OTUD7A: variants seen among roughly 807,000 people sequenced by gnomAD.
OTUD7A encodes OTU domain-containing protein 7A.
Under a neutral mutation model 65.7 loss-of-function variants are expected in OTUD7A, and 12 were observed. That is an observed-to-expected ratio of 0.18 (90% confidence interval 0.12 to 0.30). The LOEUF (loss-of-function observed/expected upper bound fraction) is 0.30. Among genes scored for constraint, OTUD7A ranks in the 10% least tolerant of loss-of-function variants. The probability of loss-of-function intolerance (pLI) is 1.00; values close to 1 mark genes in which losing one functional copy is unlikely to be tolerated. For missense variants in OTUD7A, 1,148 were observed against 1,304.8 expected, an observed-to-expected ratio of 0.88 and a Z score of 1.85; for synonymous variants, 641 against 586.3, an observed-to-expected ratio of 1.09 and a Z score of -1.35.
intron 1 of OTUD7A, among the ~76,000 whole-genome samples, chr15:31,691,096 T>C (rs898598679): frequency 7.2e-5 from 11 of 152,110 alleles, no homozygotes; most frequent in Non-Finnish European, 7.4e-5. Context: ...AGGAAGAACC[T>C]GAAAAAATGG....
rs534923258 is a variant in OTUD7A at position 31,817,279 on chromosome 15, C to CT, written c.-100+53227_-100+53228insA. On this transcript the variant is annotated intron_variant, in intron 1 of 12. Coordinates refer to ENST00000307050, the MANE Select transcript of OTUD7A (RefSeq NM_001382637.1). Reference sequence around the variant, plus strand: ...TTACACCACCCTAGATCATTTGCCCCCCCCCATCACTCATGGCTTATCAGT... The same window carrying CT: ...TTACACCACCCTAGATCATTTGCCCCTCCCCCATCACTCATGGCTTATCAGT... Among the ~76,000 whole-genome samples the CT allele has an allele frequency of 1.8e-4, 26 of 148,308 alleles. No individual in the cohort carries two copies. The East Asian group carries it at 5.2e-3, about 30-fold the overall frequency.
intron 1 of OTUD7A, among the ~76,000 whole-genome samples, chr15:31,733,920 A>G (rs1300162641): frequency 1.3e-5 from 2 of 152,222 alleles, no homozygotes; most frequent in Non-Finnish European, 2.9e-5. Context: ...GACAAGCTAG[A>G]GAAGCTGATC....
intron 5 of OTUD7A, among the ~76,000 whole-genome samples, 172 bp from the exon 6 acceptor site, chr15:31,530,980 G>C (rs976727372): frequency 1.3e-5 from 2 of 152,182 alleles, no homozygotes; most frequent in African/African-American, 4.8e-5. Context: ...TTTTCCCTTT[G>C]AGGACAAGAA....
At chr15:31,744,825 C>T (rs952027330) in intron 1 of OTUD7A, among the ~76,000 whole-genome samples, 1 of 151,952 alleles carries the variant, frequency 6.6e-6, no homozygotes, top group African/African-American at 2.4e-5. Context: ...AGTAAGGCTG[C>T]AAGTTACAAG....
chr15:31,843,331 CAAAAAAAA>C lies in OTUD7A; in HGVS notation c.-100+27168_-100+27175del, dbSNP rs80294740. On this transcript the variant is annotated intron_variant, in intron 1 of 12. Coordinates refer to ENST00000307050, the MANE Select transcript of OTUD7A (RefSeq NM_001382637.1). ...GACAATTTTTAAAATATTTTTTCTC[CAAAAAAAA>C]AAAAAAAAAACCCCAACCATTAAGC... Among the ~76,000 whole-genome samples the C allele has an allele frequency of 8.4e-5, 7 of 83,670 alleles. No homozygotes were observed. In the South Asian group the frequency reaches 2.0e-3, roughly 24 times the overall value. 54.9% of individuals were successfully genotyped at this position (83,670 alleles called of 152,430 possible).
chr15:31,707,873 A>T (rs2141333522), intron 1 of OTUD7A, among the ~76,000 whole-genome samples: 1 of 152,270 alleles, frequency 6.6e-6, no homozygotes, highest in East Asian at 1.9e-4. Flanking sequence ...AAGTCCTTTA[A>T]TAAAAAGTCA....
intron 1 of OTUD7A, among the ~76,000 whole-genome samples, chr15:31,664,115 C>T (rs7402328): frequency 0.61 from 92,768 of 152,054 alleles, 30,143 homozygotes; most frequent in East Asian, 0.92. Flanking sequence ...CAATTGTGAA[C>T]TGTGCTGCTA....
At chr15:31,693,260 C>G (rs71399717) in intron 1 of OTUD7A, among the ~76,000 whole-genome samples, 2 of 152,094 alleles carry the variant, frequency 1.3e-5, no homozygotes, top group African/African-American at 4.8e-5. Flanking sequence ...TTTTTGTACT[C>G]TAAGATACTG....
At chr15:31,532,236 T>G (rs1367027919) in intron 5 of OTUD7A, among the ~76,000 whole-genome samples, 1 of 152,310 alleles carries the variant, frequency 6.6e-6, no homozygotes, top group Non-Finnish European at 1.5e-5. Flanking sequence ...GATTTAAAAG[T>G]AGTCATCCTA....
intron 1 of OTUD7A, among the ~76,000 whole-genome samples, chr15:31,694,418 G>A (rs529422443): frequency 2.0e-5 from 3 of 151,946 alleles, no homozygotes; most frequent in South Asian, 2.1e-4. Context: ...CCCTTCCCCC[G>A]GGAAACCTTT....
chr15:31,682,470 G>T (rs1256219115), intron 1 of OTUD7A, among the ~76,000 whole-genome samples: 1 of 152,158 alleles, frequency 6.6e-6, no homozygotes, highest in Non-Finnish European at 1.5e-5. Flanking sequence ...TCGCACACTT[G>T]ATTTTAAGAT....
At position 31,589,469 on chromosome 15, in the gene OTUD7A, T is replaced by G. The variant is rs575539152; in HGVS notation, c.152-19272A>C. Among the ~76,000 whole-genome samples the G allele has an allele frequency of 3.6e-3, 533 of 149,282 alleles. 6 individuals are homozygous for G. The highest frequency in any genetic ancestry group is 0.013 in the African/African-American group (518 of 40,116). On this transcript the variant is annotated intron_variant, in intron 3 of 12. Coordinates refer to ENST00000307050, the MANE Select transcript of OTUD7A (RefSeq NM_001382637.1). ...TGTCCACTGTCCTGGGCTTGTTTTT[T>G]TTTTTTTTTTTTCTGTAGAGACGGG...
chr15:31,726,858 A>G (rs1893903893), intron 1 of OTUD7A, among the ~76,000 whole-genome samples: 1 of 152,230 alleles, frequency 6.6e-6, no homozygotes, highest in East Asian at 1.9e-4. Context: ...AATTTCTAGG[A>G]AAATCCACTT....
At chr15:31,604,145 A>G (rs560770096) in intron 3 of OTUD7A, among the ~76,000 whole-genome samples, 1 of 152,330 alleles carries the variant, frequency 6.6e-6, no homozygotes, top group Non-Finnish European at 1.5e-5. Context: ...ACATGGACAC[A>G]TATGTTTATT....
chr15:31,549,781 G>A (rs1888258889), intron 5 of OTUD7A, among the ~76,000 whole-genome samples: 1 of 152,294 alleles, frequency 6.6e-6, no homozygotes, highest in African/African-American at 2.4e-5. Context: ...ACCCAAAGCA[G>A]TAAACAACTT....
intron 1 of OTUD7A, among the ~76,000 whole-genome samples, chr15:31,785,286 G>A (rs779107616): frequency 6.6e-6 from 1 of 152,038 alleles, no homozygotes; most frequent in African/African-American, 2.4e-5. Flanking sequence ...TTTCTCAGCT[G>A]GTCCTTTCAG....
chr15:31,619,435 CCT>C (rs1410863210), intron 3 of OTUD7A, among the ~76,000 whole-genome samples: 2 of 152,072 alleles, frequency 1.3e-5, no homozygotes, highest in Non-Finnish European at 2.9e-5. Flanking sequence ...TTGTTTGTAT[CCT>C]CTTTTATTTC....
At chr15:31,503,634 G>T in intron 9 of OTUD7A, 57 bp downstream of exon 9, 1 of 1,609,222 alleles carries the variant, frequency 6.2e-7, no homozygotes, top group Non-Finnish European at 8.5e-7. Flanking sequence ...CTGCTTTCTA[G>T]CTGGGATGCT....
intron 1 of OTUD7A, among the ~76,000 whole-genome samples, chr15:31,676,775 C>T (rs1180141444): frequency 6.6e-6 from 1 of 152,102 alleles, no homozygotes; most frequent in African/African-American, 2.4e-5. Flanking sequence ...GGGAAAAGGA[C>T]CACATTATAA....
Sources: allele counts gnomAD v4.1 joint callset (sites outside exome capture counted in the v4.1 genomes callset), GRCh38; gene constraint gnomAD v4.1.1; transcripts MANE v1.5; gene names NCBI Gene and HGNC (gene_info 2026-07-23, HGNC 2026-07-21).